LARS1: variants seen among roughly 807,000 people sequenced by gnomAD.
The protein encoded by LARS1 is leucine--tRNA ligase, cytoplasmic.
LARS1 carries 100 observed loss-of-function variants against 162.8 expected under a neutral mutation model. The observed-to-expected ratio is 0.61, with a 90% CI of 0.52 to 0.73. The LOEUF (loss-of-function observed/expected upper bound fraction) is 0.73, where lower values mean the gene tolerates loss of function less well. LARS1 is among the 30% of genes least tolerant of loss of function. LARS1 has a pLI of 0.00. For missense variants in LARS1, 1,258 were observed against 1,408.9 expected, an observed-to-expected ratio of 0.89 and a Z score of 1.71; for synonymous variants, 457 against 462.8, an observed-to-expected ratio of 0.99 and a Z score of 0.16.
chr5:146,171,424 T>C (rs1187913234), intron 4 of LARS1, among the ~76,000 whole-genome samples: 1 of 152,114 alleles, frequency 6.6e-6, no homozygotes, highest in African/African-American at 2.4e-5. Flanking sequence ...AGGATTTAAA[T>C]TTCCTAATCC....
chr5:146,130,543 A>G, intron 24 of LARS1: 1 of 192,782 alleles, frequency 5.2e-6, no homozygotes, highest in Non-Finnish European at 1.0e-5. Context: ...ACAACTCTGA[A>G]AACCAAGTTA....
intron 15 of LARS1, 130 bp from the exon 16 acceptor site, chr5:146,144,839 C>T (rs2126487194): frequency 4.1e-6 from 3 of 730,312 alleles, no homozygotes; most frequent in East Asian, 5.4e-5. Flanking sequence ...TTATGTCTTG[C>T]CCGCCTTCCC....
rs1752860215 is a variant in LARS1 at position 146,143,095 on chromosome 5, A to AATAAAAC, written c.1878-18_1878-12dup. 2.0e-6 allele frequency: 3 copies of AATAAAAC among 1,519,888 alleles called. No individual in the cohort carries two copies. Among genetic ancestry groups the AATAAAAC allele is most frequent in the Non-Finnish European group, 2.7e-6 (3 of 1,114,568 alleles). The allele number at this position is 1,519,888 out of a possible 1,614,324, so 94.2% of individuals were successfully genotyped here. A position where few individuals can be genotyped will look rare whatever the true frequency, so the allele number is the denominator to read the frequency against. On this transcript the variant is annotated splice_polypyrimidine_tract_variant and intron_variant, in intron 19 of 31. Transcript: ENST00000394434. ...GTCATCTGTTGCGGTCTGTATTAAA[A>AATAAAAC]ATAAAACAAACTATTTTATATATAT...
At chr5:146,126,300 C>G in intron 28 of LARS1, 135 bp downstream of exon 28, 1 of 541,746 alleles carries the variant, frequency 1.8e-6, no homozygotes. Flanking sequence ...GATCATTTCT[C>G]TCAGTCATTG....
At chr5:146,143,689 A>G (rs1054745138) in intron 18 of LARS1, 139 bp from the exon 19 acceptor site, 7 of 824,010 alleles carry the variant, frequency 8.5e-6, no homozygotes, top group Non-Finnish European at 1.3e-5. Context: ...AATTAATAAA[A>G]ATAAAATTGT....
intron 10 of LARS1, 83 bp downstream of exon 10, chr5:146,157,320 G>C: frequency 8.2e-7 from 1 of 1,214,076 alleles, no homozygotes. Context: ...TTTTAAGGTT[G>C]TAATGCTCTT....
rs1219803692 is a variant in LARS1, at chr5:146,172,686, C to T, written c.213+1G>A. 1.3e-6 allele frequency: 2 copies of T among 1,540,956 alleles called. No homozygotes were observed. Among genetic ancestry groups the T allele is most frequent in the East Asian group, 2.4e-5 (1 of 41,950 alleles). On this transcript the variant is annotated splice_donor_variant, in intron 3 of 31. Coordinates refer to ENST00000394434, the MANE Select transcript of LARS1 (RefSeq NM_020117.11). LOFTEE classifies it high-confidence loss of function. Reference sequence around the variant, plus strand: ...TTATAGCAAACATAGGGAAACATTACCTCACATTTGGATAAAGAAAACGTG... The same window carrying T: ...TTATAGCAAACATAGGGAAACATTATCTCACATTTGGATAAAGAAAACGTG...
In LARS1 at chr5:146,149,633, T is replaced by A; in HGVS notation, c.1492A>T (p.Met498Leu). The A allele has an allele frequency of 6.2e-7, 1 of 1,611,452 alleles. No homozygotes were observed. The highest frequency in any genetic ancestry group is 8.5e-7 in the Non-Finnish European group (1 of 1,177,700). The change falls in exon 15 of 32, where the codon ATG (methionine) becomes TTG (leucine). Residue 498 changes from methionine to leucine, a missense_variant. Coordinates refer to ENST00000394434, the MANE Select transcript of LARS1 (RefSeq NM_020117.11). ...AGCCTATCACATACAGCGTCAATCA[T>A]CTTTTTCTGAATAGTCTTCTTTACA... ...QDVKKTIQKK[M>L]IDAGDALIYM...
intron 2 of LARS1, among the ~76,000 whole-genome samples, chr5:146,175,989 T>C (rs1014495213): frequency 2.0e-5 from 3 of 150,658 alleles, no homozygotes; most frequent in African/African-American, 7.3e-5. Flanking sequence ...ACCCTGTCTC[T>C]AAGAAAAAAC....
In LARS1 at chr5:146,132,916, T is replaced by C. The variant is rs201414960; in HGVS notation, c.2378A>G (p.Asn793Ser). The change falls in exon 23 of 32, where the codon AAT (asparagine) becomes AGT (serine). Residue 793 changes from asparagine to serine, a missense_variant. By Grantham distance (46) the Asn-to-Ser change is conservative. Coordinates refer to ENST00000394434, the MANE Select transcript of LARS1 (RefSeq NM_020117.11). ...SLRSGPASTF[N>S]DRVFASELNA... ...AGATTACCTGGCAAAAACTCTATCA[T>C]TGAAAGTGCTGGCAGGACCACTTCT... The C allele has an allele frequency of 2.4e-5, 38 of 1,613,624 alleles. 1 individual carries two copies. Among genetic ancestry groups the C allele is most frequent in the South Asian group, 1.3e-4 (12 of 91,036 alleles).
At chr5:146,134,133 C>A (rs1033273399) in intron 22 of LARS1, among the ~76,000 whole-genome samples, 9 of 152,160 alleles carry the variant, frequency 5.9e-5, no homozygotes, top group African/African-American at 2.2e-4. Flanking sequence ...TGTGAGCCAC[C>A]ACACCCAGCT....
intron 24 of LARS1, chr5:146,130,612 A>G (rs148804357): frequency 3.4e-5 from 6 of 173,940 alleles, no homozygotes; most frequent in African/African-American, 1.4e-4. Flanking sequence ...TTTTTACTTT[A>G]AGCACTTTAA....
Position 146,181,789 on chromosome 5 carries a change from CATAAACACT to C in LARS1, c.6+690_6+698del, listed in dbSNP as rs200830897. The stretch of plus-strand genomic sequence containing the variant: ...TTTTACAATGTATTTTACCCACACA[CATAAACACT>C]ATGAAAAGAGAGATTTTTGTCTGTT... On this transcript the variant is annotated intron_variant, in intron 1 of 31. Coordinates refer to ENST00000394434, the MANE Select transcript of LARS1 (RefSeq NM_020117.11). Among the ~76,000 whole-genome samples the C allele has an allele frequency of 8.3e-3, 1,174 of 140,638 alleles. 14 individuals carry two copies. The highest frequency in any genetic ancestry group is 0.029 in the African/African-American group (1,115 of 38,258). The allele number at this position is 140,638 out of a possible 152,430, so 92.3% of individuals were successfully genotyped here.
chr5:146,144,507 C>T lies in LARS1; in HGVS notation c.1620G>A (p.Lys540=). The change falls in exon 17 of 32, where the codon AAG becomes AAA. Residue 540 remains lysine (K), a synonymous_variant. Transcript: ENST00000394434. ...WYLDYGEENW[K]KQTSQCLKNL... is the part of the protein sequence containing the mutation. ...TCTTCAAGCACTGAGATGTCTGTTT[C>T]TTCCAATTCTCTTCTCCATAATCCA... The T allele has an allele frequency of 6.2e-7, 1 of 1,613,918 alleles. No homozygotes were observed. The highest frequency in any genetic ancestry group is 8.5e-7 in the Non-Finnish European group (1 of 1,179,970).
intron 4 of LARS1, among the ~76,000 whole-genome samples, chr5:146,170,358 T>C (rs1268120522): frequency 6.6e-6 from 1 of 151,710 alleles, no homozygotes; most frequent in Admixed American, 6.6e-5. Context: ...TAATCCCAGA[T>C]ATTCAGGAGG....
chr5:146,153,131 T>C (rs1355128018), intron 13 of LARS1, 43 bp downstream of exon 13: 6 of 1,435,040 alleles, frequency 4.2e-6, no homozygotes, highest in Non-Finnish European at 9.7e-7. Flanking sequence ...TTTTCTCTGA[T>C]AAAGAGATGG....
chr5:146,178,956 G>A (rs181008052), intron 1 of LARS1, among the ~76,000 whole-genome samples: 1 of 151,732 alleles, frequency 6.6e-6, no homozygotes, highest in Non-Finnish European at 1.5e-5. Flanking sequence ...TTTTGGCCAG[G>A]TTTGGTGGCT....
At chr5:146,152,471 T>C (rs565901400) in intron 13 of LARS1, among the ~76,000 whole-genome samples, 6 of 152,150 alleles carry the variant, frequency 3.9e-5, no homozygotes, top group South Asian at 4.1e-4. Flanking sequence ...TAGATTCTCA[T>C]AGAAGCACGA....
In LARS1 at chr5:146,166,297, T is replaced by TA. The variant is rs568769120; in HGVS notation, c.433-1827dup. Among the ~76,000 whole-genome samples the TA allele has an allele frequency of 2.8e-3, 421 of 152,236 alleles. 4 individuals are homozygous for TA. The highest frequency in any genetic ancestry group is 9.4e-3 in the African/African-American group (389 of 41,536). ...TGTCTAATGGACACAGGAGCCAAGC[T>TA]AAAAAAACTCCCAATGGCCACAGCT... On this transcript the variant is annotated intron_variant, in intron 5 of 31. Transcript: ENST00000394434.
Sources: allele counts gnomAD v4.1 joint callset (sites outside exome capture counted in the v4.1 genomes callset), GRCh38; gene constraint gnomAD v4.1.1; transcripts MANE v1.5; gene names NCBI Gene and HGNC (gene_info 2026-07-23, HGNC 2026-07-21).